The following CREB5 variants were observed in gnomAD, a reference collection of about 807,000 sequenced individuals.
CREB5 encodes the protein cyclic AMP-responsive element-binding protein 5.
A neutral mutation model predicts 57.1 loss-of-function variants in CREB5; 19 were observed. The ratio of observed to expected loss-of-function variants is 0.33; its 90% CI spans 0.23 to 0.49. The LOEUF (loss-of-function observed/expected upper bound fraction) is 0.49. CREB5 is among the 20% of genes least tolerant of loss of function. The pLI, the probability that CREB5 is intolerant of heterozygous loss-of-function variation, is 0.99. For synonymous variants in CREB5, 238 were observed against 238.3 expected (o/e 1.00, Z 0.01); for missense variants, 579 against 671.6 (o/e 0.86, Z 1.52).
intron 4 of CREB5, among the ~76,000 whole-genome samples, chr7:28,568,201 G>A (rs1350608702): frequency 6.6e-6 from 1 of 152,150 alleles, no homozygotes; most frequent in Admixed American, 6.5e-5. Context: ...AGGCATCCAG[G>A]ATAATTCAAG....
intron 1 of CREB5, among the ~76,000 whole-genome samples, chr7:28,313,095 G>A (rs1326371741): frequency 6.6e-6 from 1 of 152,186 alleles, no homozygotes; most frequent in African/African-American, 2.4e-5. Context: ...CAATCCCAGA[G>A]TTTCTGAATT....
intron 1 of CREB5, among the ~76,000 whole-genome samples, chr7:28,446,151 C>T (rs1423848996): frequency 1.3e-5 from 2 of 152,170 alleles, no homozygotes; most frequent in Non-Finnish European, 2.9e-5. Context: ...CTTCGACAGT[C>T]TGCCCACTGT....
At chr7:28,552,558 G>A (rs371927968) in intron 4 of CREB5, among the ~76,000 whole-genome samples, 2 of 152,314 alleles carry the variant, frequency 1.3e-5, no homozygotes, top group East Asian at 3.9e-4. Context: ...GCCATCAGCA[G>A]ATAGCAACTC....
intron 7 of CREB5, among the ~76,000 whole-genome samples, chr7:28,772,294 A>G (rs1359508439): frequency 6.6e-6 from 1 of 152,114 alleles, no homozygotes. Flanking sequence ...GGGGCAAAAG[A>G]GCAATGAGGG....
At chr7:28,763,537 C>T (rs972357720) in intron 7 of CREB5, among the ~76,000 whole-genome samples, 3 of 152,134 alleles carry the variant, frequency 2.0e-5, no homozygotes, top group African/African-American at 7.2e-5. Context: ...ATTATCCTAC[C>T]ACACTTTAGC....
At chr7:28,407,713 T>C (rs1160243224), upstream of CREB5, among the ~76,000 whole-genome samples, 2 of 152,230 alleles carry the variant, frequency 1.3e-5, no homozygotes, top group Non-Finnish European at 2.9e-5. Context: ...CATCAGTCCC[T>C]GTGGTTTCAA....
chr7:28,547,972 T>C (rs965151723), intron 4 of CREB5, among the ~76,000 whole-genome samples: 1 of 152,232 alleles, frequency 6.6e-6, no homozygotes, highest in Non-Finnish European at 1.5e-5. Flanking sequence ...AAGTAACTAT[T>C]TGGAGTTAAG....
intron 1 of CREB5, among the ~76,000 whole-genome samples, chr7:28,425,962 C>T (rs1398164531): frequency 2.0e-5 from 3 of 152,236 alleles, no homozygotes; most frequent in African/African-American, 7.2e-5. Context: ...AGGGCCACCA[C>T]TGTCCTCTGG....
chr7:28,305,495 C>G (rs1486368285), intron 1 of CREB5, among the ~76,000 whole-genome samples: 2 of 152,156 alleles, frequency 1.3e-5, no homozygotes, highest in African/African-American at 2.4e-5. Context: ...TGCCCCAGTG[C>G]TGTGGAGAAA....
intron 7 of CREB5, among the ~76,000 whole-genome samples, chr7:28,754,285 C>T (rs528301241): frequency 3.9e-5 from 6 of 152,294 alleles, no homozygotes; most frequent in African/African-American, 1.2e-4. Flanking sequence ...TTGTTTGTGC[C>T]GGGCTGCAGC....
intron 5 of CREB5, among the ~76,000 whole-genome samples, chr7:28,706,948 A>G (rs1329245511): frequency 6.6e-6 from 1 of 152,144 alleles, no homozygotes; most frequent in Non-Finnish European, 1.5e-5. Flanking sequence ...TAACGTTGTT[A>G]AGTCTGTTAA....
At chr7:28,560,885 T>TGTGCGCGCGCGCGTGC (rs1365184678) in intron 4 of CREB5, among the ~76,000 whole-genome samples, 2 of 26,478 alleles carry the variant, frequency 7.6e-5, no homozygotes, top group Non-Finnish European at 1.5e-4. Context: ...CGTGCGTGCG[T>TGTGCGCGCGCGCGTGC]GCGTGTGTGT....
At chr7:28,663,375 T>C (rs551658620) in intron 5 of CREB5, among the ~76,000 whole-genome samples, 1 of 152,032 alleles carries the variant, frequency 6.6e-6, no homozygotes, top group East Asian at 2.0e-4. Flanking sequence ...AGGCTAATTT[T>C]TGTGGGTTTT....
intron 1 of CREB5, among the ~76,000 whole-genome samples, chr7:28,459,510 G>C (rs535750193): frequency 7.2e-5 from 11 of 152,190 alleles, no homozygotes; most frequent in Non-Finnish European, 1.5e-4. Context: ...GTGATTTTAG[G>C]TTTGGAATCT....
chr7:28,404,862 T>C (rs1375909596), intron 1 of CREB5, among the ~76,000 whole-genome samples: 1 of 152,192 alleles, frequency 6.6e-6, no homozygotes, highest in Non-Finnish European at 1.5e-5. Flanking sequence ...TACCAAAGTA[T>C]GGGGTGCCTT....
chr7:28,509,212 T>C (rs964677005), intron 4 of CREB5, among the ~76,000 whole-genome samples: 7 of 152,252 alleles, frequency 4.6e-5, no homozygotes, highest in African/African-American at 1.7e-4. Context: ...TCTGATAGAA[T>C]GGTTTTACCT....
intron 7 of CREB5, among the ~76,000 whole-genome samples, chr7:28,731,661 T>C (rs928663748): frequency 2.6e-5 from 4 of 152,214 alleles, no homozygotes; most frequent in Admixed American, 2.0e-4. Context: ...ACTATCAAGT[T>C]TGATGGGGAA....
chr7:28,673,007 C>G (rs963438871), intron 5 of CREB5, among the ~76,000 whole-genome samples: 1 of 152,156 alleles, frequency 6.6e-6, no homozygotes, highest in Non-Finnish European at 1.5e-5. Context: ...CGCCCCATAC[C>G]TTACCTCTAC....
chr7:28,455,092 G>T (rs1790033886), intron 1 of CREB5, among the ~76,000 whole-genome samples: 1 of 152,184 alleles, frequency 6.6e-6, no homozygotes, highest in Admixed American at 6.5e-5. Flanking sequence ...TTTGACAAAA[G>T]AAGTAGAAGG....
Sources: gnomAD v4.1 joint callset for allele counts (sites outside exome capture counted in the v4.1 genomes callset) on GRCh38, gnomAD v4.1.1 for gene constraint, MANE v1.5 for transcripts, NCBI Gene and HGNC (gene_info 2026-07-23, HGNC 2026-07-21) for gene names.